ABTB2: variants seen among roughly 807,000 people sequenced by gnomAD.
ABTB2 encodes ankyrin repeat and BTB/POZ domain-containing protein 2.
ABTB2 carries 56 observed loss-of-function variants against 104.1 expected under a neutral mutation model. The ratio of observed to expected loss-of-function variants is 0.54; its 90% CI spans 0.43 to 0.67. The LOEUF is 0.67. Ranked by LOEUF, ABTB2 falls within the 30% of genes least tolerant of loss-of-function variation. The probability of loss-of-function intolerance (pLI) is 0.00; values close to 1 mark genes in which losing one functional copy is unlikely to be tolerated. For synonymous variants in ABTB2, 606 were observed against 608.2 expected (o/e 1.00, Z 0.05); for missense variants, 1,279 against 1,407.7 (o/e 0.91, Z 1.46).
At chr11:34,351,765 A>T (rs1369503576) in intron 1 of ABTB2, among the ~76,000 whole-genome samples, 1 of 152,060 alleles carries the variant, frequency 6.6e-6, no homozygotes, top group Non-Finnish European at 1.5e-5. Context: ...AGACACACAC[A>T]AGCAGGAAAT....
In ABTB2 at chr11:34,293,059, G is replaced by A. The variant is rs145339560; in HGVS notation, c.883+63642C>T. Among the ~76,000 whole-genome samples the A allele has an allele frequency of 4.5e-3, 681 of 152,276 alleles. 1 individual carries two copies. Among genetic ancestry groups the A allele is most frequent in the Middle Eastern group, 0.01 (3 of 294 alleles). ...GTCATGGATGCAGTGGAAGAGTGAG[G>A]GCTGTGCCTCAGACTAGAGCAACAG... is the stretch of plus-strand genomic sequence containing the variant. On this transcript the variant is annotated intron_variant, in intron 1 of 16. Transcript: ENST00000435224.
chr11:34,342,547 C>T (rs1855273955), intron 1 of ABTB2, among the ~76,000 whole-genome samples: 2 of 152,204 alleles, frequency 1.3e-5, no homozygotes, highest in South Asian at 4.1e-4. Context: ...CTGAACTTCT[C>T]TGAGCTTGTT....
chr11:34,163,431 C>T (rs55759494), intron 9 of ABTB2, among the ~76,000 whole-genome samples: 1,926 of 152,306 alleles, frequency 0.013, 34 homozygotes, highest in African/African-American at 0.043. Flanking sequence ...TGCTTTTAGC[C>T]TCGTGAGAGC....
At chr11:34,324,853 C>A (rs1056678326) in intron 1 of ABTB2, among the ~76,000 whole-genome samples, 1 of 152,218 alleles carries the variant, frequency 6.6e-6, no homozygotes, top group Non-Finnish European at 1.5e-5. Context: ...AGGCCTATGT[C>A]CCGGCAGGCT....
At chr11:34,262,431 C>T (rs1301305216) in intron 1 of ABTB2, among the ~76,000 whole-genome samples, 1 of 152,126 alleles carries the variant, frequency 6.6e-6, no homozygotes, top group Non-Finnish European at 1.5e-5. Flanking sequence ...CTCAATCTGC[C>T]TTCAAGGGAC....
At chr11:34,238,914 T>C (rs1853879140) in intron 1 of ABTB2, among the ~76,000 whole-genome samples, 1 of 152,056 alleles carries the variant, frequency 6.6e-6, no homozygotes, top group Non-Finnish European at 1.5e-5. Flanking sequence ...CCACCACACC[T>C]GGCTGAATTT....
chr11:34,210,646 A>G (rs1853469380), intron 1 of ABTB2, among the ~76,000 whole-genome samples: 3 of 152,108 alleles, frequency 2.0e-5, no homozygotes, highest in Admixed American at 6.5e-5. Flanking sequence ...GTGTGGTACC[A>G]TTTCTGCACC....
intron 1 of ABTB2, among the ~76,000 whole-genome samples, chr11:34,233,113 T>G (rs1161666298): frequency 9.9e-5 from 15 of 152,136 alleles, no homozygotes; most frequent in Non-Finnish European, 2.1e-4. Context: ...AAGTGAATGT[T>G]AAGTCCATCC....
At chr11:34,221,427 T>TA (rs1800129832) in intron 1 of ABTB2, among the ~76,000 whole-genome samples, 1 of 152,208 alleles carries the variant, frequency 6.6e-6, no homozygotes, top group Non-Finnish European at 1.5e-5. Context: ...TCTTGAGAGG[T>TA]ACATAGTTCA....
At position 34,357,350 on chromosome 11, in the gene ABTB2, G is replaced by A; in HGVS notation, c.234C>T (p.Asp78=). ...GCGAGAAGAGGTCGGCCACTTCGGG[G>A]TCCTCGGGCAGCACCGTGTTCACCG... is the stretch of plus-strand genomic sequence containing the variant. The part of the protein sequence containing the change: ...WDTVNTVLPE[D]PEVADLFSRC... The change falls in exon 1 of 17, where the codon GAC becomes GAT. Residue 78 remains aspartate, a synonymous_variant. Coordinates refer to ENST00000435224, the MANE Select transcript of ABTB2 (RefSeq NM_145804.3). 2.6e-6 allele frequency: 4 copies of A among 1,528,290 alleles called. No homozygotes were observed. Among genetic ancestry groups the A allele is most frequent in the Non-Finnish European group, 3.5e-6 (4 of 1,132,272 alleles). 94.7% of individuals were successfully genotyped at this position (1,528,290 alleles called of 1,614,324 possible). A position where few individuals can be genotyped will look rare whatever the true frequency, so the allele number is the denominator to read the frequency against.
At chr11:34,323,051 C>CACCTGCCACCATGCCCGGCTAA (rs1238602491) in intron 1 of ABTB2, among the ~76,000 whole-genome samples, 1 of 152,034 alleles carries the variant, frequency 6.6e-6, no homozygotes, top group African/African-American at 2.4e-5. Flanking sequence ...GGATTACAGG[C>CACCTGCCACCATGCCCGGCTAA]ACCTGCCACC....
intron 1 of ABTB2, among the ~76,000 whole-genome samples, chr11:34,352,057 C>G (rs895173992): frequency 1.3e-5 from 2 of 152,170 alleles, no homozygotes; most frequent in African/African-American, 4.8e-5. Flanking sequence ...GGTGTGGAAA[C>G]TGATTAAACA....
At chr11:34,319,136 A>T (rs1854972391) in intron 1 of ABTB2, among the ~76,000 whole-genome samples, 1 of 152,148 alleles carries the variant, frequency 6.6e-6, no homozygotes, top group African/African-American at 2.4e-5. Context: ...ACCACCTCAG[A>T]CTCTACAACA....
intron 1 of ABTB2, among the ~76,000 whole-genome samples, chr11:34,220,017 C>T (rs539675126): frequency 1.3e-5 from 2 of 152,242 alleles, no homozygotes; most frequent in Non-Finnish European, 1.5e-5. Flanking sequence ...GAGAAGCAAA[C>T]ACTCCCTGGT....
intron 5 of ABTB2, among the ~76,000 whole-genome samples, chr11:34,170,024 G>C (rs1852849077): frequency 6.6e-6 from 1 of 152,192 alleles, no homozygotes; most frequent in Non-Finnish European, 1.5e-5. Flanking sequence ...CATGCTCTGT[G>C]TGGCCTTCCA....
chr11:34,339,680 C>A (rs867521571), intron 1 of ABTB2, among the ~76,000 whole-genome samples: 2 of 152,014 alleles, frequency 1.3e-5, no homozygotes, highest in African/African-American at 4.8e-5. Flanking sequence ...TTTCTCGGTG[C>A]CATTTGGATT....
intron 1 of ABTB2, among the ~76,000 whole-genome samples, chr11:34,280,274 A>C (rs1854434908): frequency 6.6e-6 from 1 of 152,032 alleles, no homozygotes; most frequent in Non-Finnish European, 1.5e-5. Context: ...TTGCAAAGGG[A>C]GTGGGTGAGT....
At chr11:34,258,019 A>T (rs1428986705) in intron 1 of ABTB2, among the ~76,000 whole-genome samples, 4 of 152,164 alleles carry the variant, frequency 2.6e-5, no homozygotes, top group African/African-American at 9.7e-5. Flanking sequence ...TCCCCAGCCC[A>T]GAGTCCCTCA....
chr11:34,191,366 A>G (rs1177121269), intron 3 of ABTB2, among the ~76,000 whole-genome samples: 1 of 152,222 alleles, frequency 6.6e-6, no homozygotes, highest in African/African-American at 2.4e-5. Flanking sequence ...AATTCTGTCT[A>G]GCCTGATACG....
Sources: gnomAD v4.1 joint callset for allele counts (sites outside exome capture counted in the v4.1 genomes callset) on GRCh38, gnomAD v4.1.1 for gene constraint, MANE v1.5 for transcripts, NCBI Gene and HGNC (gene_info 2026-07-23, HGNC 2026-07-21) for gene names.